SPAG1: variants seen among roughly 807,000 people sequenced by gnomAD.
SPAG1 encodes the protein sperm associated antigen 1, also known as sperm-associated antigen 1.
Under a neutral mutation model 100.5 loss-of-function variants are expected in SPAG1, and 69 were observed. The observed-to-expected ratio is 0.69, with a 90% confidence interval of 0.57 to 0.84. The LOEUF (loss-of-function observed/expected upper bound fraction) is 0.84. Ranked by LOEUF, SPAG1 falls within the 40% of genes least tolerant of loss-of-function variation. The probability of loss-of-function intolerance (pLI) is 0.00; values close to 1 mark genes in which losing one functional copy is unlikely to be tolerated. For missense variants in SPAG1, 955 were observed against 1,133.1 expected, an observed-to-expected ratio of 0.84 and a Z score of 2.26; for synonymous variants, 336 against 411.6, an observed-to-expected ratio of 0.82 and a Z score of 2.22.
Position 100,240,763 on chromosome 8 carries a change from A to AG in SPAG1, c.2643dup (p.Phe882ValfsTer2). Reference sequence around the variant, plus strand: ...TCTTTTATACCTGAGTAAAGCAGAAAGGTTTAAGGTAAGTGGCTAAGTATT... The same window carrying AG: ...TCTTTTATACCTGAGTAAAGCAGAAAGGGTTTAAGGTAAGTGGCTAAGTATT... On this transcript the variant is annotated frameshift_variant, in exon 18 of 19. Transcript: ENST00000388798. LOFTEE classifies it high-confidence loss of function. 1 of 1,583,308 alleles carries AG rather than the reference A, an allele frequency of 6.3e-7. No individual in the cohort carries two copies. The highest frequency in any genetic ancestry group is 8.6e-7 in the Non-Finnish European group (1 of 1,168,758).
Position 100,187,158 on chromosome 8 carries a change from A to T in SPAG1, c.740A>T (p.Asn247Ile). 1 of 1,613,178 alleles carries T rather than the reference A, an allele frequency of 6.2e-7. No homozygotes were observed. The highest frequency in any genetic ancestry group is 8.5e-7 in the Non-Finnish European group (1 of 1,179,438). Residue 247 changes from asparagine (N) to isoleucine (I), a missense_variant, in exon 8 of 19, where the codon AAT (asparagine) becomes ATT (isoleucine). Physicochemically the swap from Asn to Ile is moderately radical, Grantham distance 149. Coordinates refer to ENST00000388798, the MANE Select transcript of SPAG1 (RefSeq NM_003114.5). ...CTTCCCACTGTAGTTGCCTATAACAATCGAGCTCAAGCAGAAATCAAATTA... is the reference window on the plus strand; with the variant it reads ...CTTCCCACTGTAGTTGCCTATAACATTCGAGCTCAAGCAGAAATCAAATTA... ...SALPTVVAYN[N>I]RAQAEIKLQN...
At chr8:100,176,177 G>C (rs1423034738) in intron 3 of SPAG1, among the ~76,000 whole-genome samples, 1 of 152,092 alleles carries the variant, frequency 6.6e-6, no homozygotes, top group Non-Finnish European at 1.5e-5. Context: ...GGGAGAAGGT[G>C]CTTTTCCTGT....
chr8:100,233,590 G>A, intron 16 of SPAG1, 53 bp downstream of exon 16: 1 of 1,518,258 alleles, frequency 6.6e-7, no homozygotes, highest in Non-Finnish European at 8.9e-7. Context: ...CAAATCAAGT[G>A]GTTTTCACAA....
At chr8:100,213,968 T>A (rs371828642) in intron 12 of SPAG1, 50 bp downstream of exon 12, 4 of 1,057,810 alleles carry the variant, frequency 3.8e-6, no homozygotes, top group Non-Finnish European at 5.7e-6. Flanking sequence ...AATTTCATTA[T>A]GGTGAATGCA....
intron 4 of SPAG1, among the ~76,000 whole-genome samples, chr8:100,178,813 T>C (rs1277613620): frequency 2.6e-5 from 4 of 152,228 alleles, no homozygotes; most frequent in Middle Eastern, 6.8e-3. Context: ...TATTGAATAG[T>C]TGGCCAGGCA....
chr8:100,172,806 A>C lies in SPAG1; in HGVS notation c.301-5010A>C, dbSNP rs866153304. On this transcript the variant is annotated intron_variant, in intron 3 of 18. Transcript: ENST00000388798. ...AAAAACAATTTTAAAACATCTAAAA[A>C]CAATGTTGAGGTATATGTATTCTGT... Among the ~76,000 whole-genome samples, 11 of 149,988 alleles carry C rather than the reference A, an allele frequency of 7.3e-5. No individual in the cohort carries two copies. In the South Asian group the frequency reaches 8.4e-4, roughly 11 times the overall value.
intron 14 of SPAG1, among the ~76,000 whole-genome samples, chr8:100,230,615 T>G (rs1818722562): frequency 6.6e-6 from 1 of 152,172 alleles, no homozygotes; most frequent in Non-Finnish European, 1.5e-5. Flanking sequence ...GACAGAATTA[T>G]TACTTGTATC....
intron 10 of SPAG1, among the ~76,000 whole-genome samples, chr8:100,204,890 A>G (rs550479647): frequency 6.6e-6 from 1 of 152,320 alleles, no homozygotes; most frequent in South Asian, 2.1e-4. Flanking sequence ...GCAGGAGCCA[A>G]GTGGTGGCAC....
At chr8:100,204,355 C>G (rs927351973) in intron 10 of SPAG1, among the ~76,000 whole-genome samples, 2 of 152,114 alleles carry the variant, frequency 1.3e-5, no homozygotes, top group Non-Finnish European at 1.5e-5. Context: ...TTTGAGTTCT[C>G]TAATTTATAT....
rs539194590 is a variant in SPAG1, at chr8:100,227,136, C to A, written c.1855+1797C>A. Among the ~76,000 whole-genome samples, 6 of 152,216 alleles carry A rather than the reference C, an allele frequency of 3.9e-5. No individual in the cohort carries two copies. In the East Asian group the frequency reaches 1.2e-3, roughly 29 times the overall value. On this transcript the variant is annotated intron_variant, in intron 14 of 18. Coordinates refer to ENST00000388798, the MANE Select transcript of SPAG1 (RefSeq NM_003114.5). ...TTTGCACAATAGCGAAATTGCCCAA[C>A]GACAAATTTCGCAGAATGTATCCAT...
At chr8:100,162,511 T>C (rs931614223) in intron 2 of SPAG1, 91 bp downstream of exon 2, 12 of 1,125,952 alleles carry the variant, frequency 1.1e-5, no homozygotes, top group South Asian at 6.9e-5. Flanking sequence ...ATTAGAAATA[T>C]CTGTTTTTGC....
chr8:100,223,432 T>C (rs1233813407), intron 13 of SPAG1, among the ~76,000 whole-genome samples: 1 of 152,150 alleles, frequency 6.6e-6, no homozygotes, highest in Non-Finnish European at 1.5e-5. Flanking sequence ...GTTGATATTT[T>C]GTTGATGAGG....
chr8:100,213,230 G>A lies in SPAG1; in HGVS notation c.1237G>A (p.Gly413Ser), dbSNP rs1817810945. The stretch of plus-strand genomic sequence containing the variant: ...GCAGCGGGGCCAGACCCCGGAGGCC[G>A]GCGCGGACAAGCGGAGCCCACGGCG... Reference protein sequence around the residue: ...APQRGQTPEAGADKRSPRRAS... With the variant: ...APQRGQTPEASADKRSPRRAS... The change falls in exon 11 of 19, where the codon GGC (glycine) becomes AGC (serine). Residue 413 changes from glycine (G) to serine (S), a missense_variant. Coordinates refer to ENST00000388798, the MANE Select transcript of SPAG1 (RefSeq NM_003114.5). 1.5e-6 allele frequency: 2 copies of A among 1,374,530 alleles called. No individual in the cohort carries two copies. Among genetic ancestry groups the A allele is most frequent in the East Asian group, 6.4e-5 (2 of 31,164 alleles). The allele number at this position is 1,374,530 out of a possible 1,614,324, so 85.1% of individuals were successfully genotyped here.
rs772139147 is a variant in SPAG1, at chr8:100,240,455, G to T, written c.2333G>T (p.Gly778Val). The change falls in exon 18 of 19, where the codon GGA becomes GTA. Residue 778 changes from glycine to valine, a missense_variant. Physicochemically the swap from Gly to Val is moderately radical, Grantham distance 109. Coordinates refer to ENST00000388798, the MANE Select transcript of SPAG1 (RefSeq NM_003114.5). ...AGACCTGCAGGGGAGGTCTCCATGGGATGCCTTGCTTCTGAGAAGGGAGGC... is the reference window on the plus strand; with the variant it reads ...AGACCTGCAGGGGAGGTCTCCATGGTATGCCTTGCTTCTGAGAAGGGAGGC... ...PGRPAGEVSM[G>V]CLASEKGGKS... 6.2e-7 allele frequency: 1 copy of T among 1,613,836 alleles called. No homozygotes were observed. Among genetic ancestry groups the T allele is most frequent in the Non-Finnish European group, 8.5e-7 (1 of 1,179,846 alleles).
Position 100,241,330 on chromosome 8 carries a change from T to C in SPAG1, c.*308T>C, listed in dbSNP as rs117206602. 3.9e-3 allele frequency: 673 copies of C among 172,800 alleles called. 1 individual carries two copies. Among genetic ancestry groups the C allele is most frequent in the Non-Finnish European group, 6.1e-3 (502 of 81,968 alleles). The allele number at this position is 172,800 out of a possible 1,614,324, so 10.7% of individuals were successfully genotyped here. On this transcript the variant is annotated 3_prime_UTR_variant, in exon 19 of 19. Coordinates refer to ENST00000388798, the MANE Select transcript of SPAG1 (RefSeq NM_003114.5). This position sits in a 1 kb window ranked among gnomAD's most constrained non-coding sequence, Gnocchi z 5.1. ...AAATTTTGAGTTAAGTTGCATTTCT[T>C]TGGGCTATGAAGGAGTCCTCTTAAG...
chr8:100,182,097 T>C (rs185162388), intron 4 of SPAG1, among the ~76,000 whole-genome samples: 3 of 152,364 alleles, frequency 2.0e-5, no homozygotes. Context: ...TTTATTATTA[T>C]AAATTCTGCT....
At position 100,231,140 on chromosome 8, in the gene SPAG1, T is replaced by G. The variant is rs752302752; in HGVS notation, c.1856-16T>G. On this transcript the variant is annotated splice_polypyrimidine_tract_variant and intron_variant, in intron 14 of 18. Coordinates refer to ENST00000388798, the MANE Select transcript of SPAG1 (RefSeq NM_003114.5). ...TTGTACAGATACTTCCTCTTCTTTG[T>G]TTTTTTGTCCCATAGATGAAAAAAC... 8.8e-6 allele frequency: 14 copies of G among 1,587,756 alleles called. No homozygotes were observed.
In SPAG1 at chr8:100,231,254, A is replaced by T. The variant is rs143621160; in HGVS notation, c.1954A>T (p.Ile652Phe). The stretch of plus-strand genomic sequence containing the variant: ...CAGTAAATACAGCGAATGCTTAAAG[A>T]TTAACAATAAGGAATGTGCCATATA... ...ALSKYSECLK[I>F]NNKECAIYTN... The change falls in exon 15 of 19, where the codon ATT (isoleucine) becomes TTT (phenylalanine). Residue 652 changes from isoleucine (I) to phenylalanine (F), a missense_variant. Physicochemically the swap from Ile to Phe is conservative, Grantham distance 21. Transcript: ENST00000388798. 8.8e-5 allele frequency: 140 copies of T among 1,599,912 alleles called. No homozygotes were observed. The highest frequency in any genetic ancestry group is 3.3e-4 in the Middle Eastern group (2 of 5,984).
At chr8:100,207,654 A>C (rs138407046) in intron 10 of SPAG1, among the ~76,000 whole-genome samples, 20 of 152,354 alleles carry the variant, frequency 1.3e-4, no homozygotes, top group African/African-American at 4.3e-4. Flanking sequence ...ATGGTCAGGG[A>C]CTTGGAAGAA....
Sources: allele counts gnomAD v4.1 joint callset (sites outside exome capture counted in the v4.1 genomes callset), GRCh38; gene constraint gnomAD v4.1.1; non-coding constraint Gnocchi (gnomAD v3.1); transcripts MANE v1.5; gene names NCBI Gene and HGNC (gene_info 2026-07-23, HGNC 2026-07-21).